Variants in SHPRH observed in about 807,000 individuals in gnomAD.
The protein encoded by SHPRH is E3 ubiquitin-protein ligase SHPRH.
In SHPRH, 106 loss-of-function variants were observed where a neutral mutation model predicts 202.5. The observed-to-expected ratio is 0.52, with a 90% CI of 0.45 to 0.62. The LOEUF (loss-of-function observed/expected upper bound fraction) is 0.62, where lower values mean the gene tolerates loss of function less well. SHPRH is among the 20% of genes least tolerant of loss of function. SHPRH has a pLI of 0.00. For synonymous variants in SHPRH, 729 were observed against 686.0 expected (o/e 1.06, Z -0.98); for missense variants, 1,710 against 2,020.0 (o/e 0.85, Z 2.94).
rs147096391 is a variant in SHPRH at position 145,917,847 on chromosome 6, A to G, written c.4254+284T>C. On this transcript the variant is annotated intron_variant, in intron 23 of 29. Coordinates refer to ENST00000275233, the MANE Select transcript of SHPRH (RefSeq NM_001042683.3). Reference sequence around the variant, plus strand: ...ATTGCATTATGCCAGTTTCACCGAGATATGTTTTAATACTTTTACTATTCA... The same window carrying G: ...ATTGCATTATGCCAGTTTCACCGAGGTATGTTTTAATACTTTTACTATTCA... The G allele has an allele frequency of 1.1e-3, 284 of 251,334 alleles. 1 individual carries two copies. The highest frequency in any genetic ancestry group is 5.6e-3 in the African/African-American group (252 of 45,118). The allele number at this position is 251,334 out of a possible 1,614,324, so 15.6% of individuals were successfully genotyped here.
At chr6:145,933,968 C>T (rs916202666) in intron 13 of SHPRH, among the ~76,000 whole-genome samples, 6 of 152,108 alleles carry the variant, frequency 3.9e-5, no homozygotes, top group Non-Finnish European at 4.4e-5. Flanking sequence ...AAAAGCCTTT[C>T]ATATCTGGAG....
At chr6:145,890,094 CCT>C (rs2128711877) in intron 28 of SHPRH, among the ~76,000 whole-genome samples, 1 of 152,212 alleles carries the variant, frequency 6.6e-6, no homozygotes, top group African/African-American at 2.4e-5. Flanking sequence ...AAAACAAAAA[CCT>C]CTCTTGATCT....
rs1473166024 is a variant in SHPRH at position 145,963,896 on chromosome 6, GGCCCCAGT to G, written c.-206_-199del. ...TTGGACGCTCGAGACAAACACCGCA[GGCCCCAGT>G]GCATGAGGAGAAGCACAGCCTCCTT... On this transcript the variant is annotated 5_prime_UTR_variant, in exon 1 of 30. An upstream open reading frame in the 5' UTR loses its in-frame stop. Transcript: ENST00000275233. 6.6e-6 allele frequency: 1 copy of G among 152,236 alleles called. No individual in the cohort carries two copies. Among genetic ancestry groups the G allele is most frequent in the Non-Finnish European group, 1.5e-5 (1 of 68,056 alleles). The allele number at this position is 152,236 out of a possible 1,614,324, so 9.4% of individuals were successfully genotyped here. A position where few individuals can be genotyped will look rare whatever the true frequency, so the allele number is the denominator to read the frequency against.
In SHPRH at chr6:145,952,442, G is replaced by GT; in HGVS notation, c.669dup (p.Leu224ThrfsTer6). ...GAATTTGCATCACTCAAGAAGTCTA[G>GT]TTTTGCTAGGCCAGCTTCCAAAAGA... On this transcript the variant is annotated frameshift_variant, in exon 3 of 30. Coordinates refer to ENST00000275233, the MANE Select transcript of SHPRH (RefSeq NM_001042683.3). LOFTEE classifies it high-confidence loss of function. The GT allele has an allele frequency of 6.2e-7, 1 of 1,608,860 alleles. No individual in the cohort carries two copies.
At chr6:145,923,951 C>A (rs1250551779) in intron 17 of SHPRH, among the ~76,000 whole-genome samples, 166 bp from the exon 18 acceptor site, 1 of 151,856 alleles carries the variant, frequency 6.6e-6, no homozygotes, top group South Asian at 2.1e-4. Context: ...GTACAATGCT[C>A]GCTTCCTCTT....
rs1045340594 is a variant in SHPRH at position 145,885,473 on chromosome 6, C to G, written c.*1218G>C. 1 of 152,212 alleles carries G rather than the reference C, an allele frequency of 6.6e-6. No homozygotes were observed. Among genetic ancestry groups the G allele is most frequent in the East Asian group, 1.9e-4 (1 of 5,174 alleles). The allele number at this position is 152,212 out of a possible 1,614,324, so 9.4% of individuals were successfully genotyped here. A position where few individuals can be genotyped will look rare whatever the true frequency, so the allele number is the denominator to read the frequency against. ...ATGGTTCTATGAGTTTTCCAGGCAG[C>G]TAACTGGGAGCTAATAAGTCCTGAG... On this transcript the variant is annotated 3_prime_UTR_variant, in exon 30 of 30. Coordinates refer to ENST00000275233, the MANE Select transcript of SHPRH (RefSeq NM_001042683.3).
chr6:145,913,679 C>A, intron 23 of SHPRH, 130 bp from the exon 24 acceptor site: 2 of 625,784 alleles, frequency 3.2e-6, no homozygotes, highest in East Asian at 3.0e-5. Context: ...ATTTAGATGA[C>A]CCATCGATCT....
chr6:145,879,243 T>G (rs1349517504), intron 2 of SHPRH, among the ~76,000 whole-genome samples: 10 of 152,146 alleles, frequency 6.6e-5, no homozygotes, highest in Non-Finnish European at 1.3e-4. Flanking sequence ...TGTACTGAAG[T>G]CATTAAATTC....
downstream of SHPRH, chr6:145,883,801 CATTT>C (rs1184417154): frequency 6.6e-6 from 1 of 151,792 alleles, no homozygotes; most frequent in Non-Finnish European, 1.5e-5. Flanking sequence ...GGTTTACACT[CATTT>C]TTTTTTTTAC....
rs759955910 is a variant in SHPRH at position 145,943,212 on chromosome 6, T to G, written c.2169A>C (p.Pro723=). ...CCACCCACTGGTGACAGATGGAACT[T>G]GGAGAGATGATCAGAGTTGCTCTTG... The part of the protein sequence containing the change: ...VSTRATLIIS[P]SSICHQWVDE... The change falls in exon 9 of 30, where the codon CCA becomes CCC. Residue 723 remains proline (P), a synonymous_variant. Transcript: ENST00000275233. 2 of 1,613,682 alleles carry G rather than the reference T, an allele frequency of 1.2e-6. No individual in the cohort carries two copies. The highest frequency in any genetic ancestry group is 1.7e-6 in the Non-Finnish European group (2 of 1,179,818).
rs1242583101 is a variant in SHPRH at position 145,955,309 on chromosome 6, C to T, written c.14G>A (p.Arg5Gln). The stretch of plus-strand genomic sequence containing the variant: ...TACCCTCACTGGAGGAGCACGTTTC[C>T]GTCGGCTGCTCATTTTCAAGTTTTC... MSSRRKRAPPVRVDE... is the reference protein window; with the variant it reads MSSRQKRAPPVRVDE... The change falls in exon 2 of 30, where the codon CGG (arginine) becomes CAG (glutamine). Residue 5 changes from arginine (R) to glutamine (Q), a missense_variant. Around this residue, in one of 8 missense-constraint regions of SHPRH, gnomAD observed 459 missense variants for 426.5 expected, o/e 1.08. Transcript: ENST00000275233. The T allele has an allele frequency of 5.6e-6, 9 of 1,594,076 alleles. No individual in the cohort carries two copies. The highest frequency in any genetic ancestry group is 4.5e-5 in the East Asian group (2 of 44,630).
chr6:145,875,854 G>A (rs1396075564), intron 2 of SHPRH, among the ~76,000 whole-genome samples: 1 of 152,170 alleles, frequency 6.6e-6, no homozygotes, highest in Non-Finnish European at 1.5e-5. Flanking sequence ...CAGGCCTGGA[G>A]TACAACATTC....
At chr6:145,962,866 G>C (rs759470468) in intron 1 of SHPRH, among the ~76,000 whole-genome samples, 1 of 152,182 alleles carries the variant, frequency 6.6e-6, no homozygotes, top group Non-Finnish European at 1.5e-5. Flanking sequence ...AGCAAGGTGA[G>C]AGTATTTTCT....
chr6:145,923,786 C>T lies in SHPRH; in HGVS notation c.3403-1G>A. 1 of 1,607,642 alleles carries T rather than the reference C, an allele frequency of 6.2e-7. No homozygotes were observed. The highest frequency in any genetic ancestry group is 8.5e-7 in the Non-Finnish European group (1 of 1,176,678). ...GCCACCAAGGAGAATTAGAATGAAT[C>T]TGTAAAAAAGGTAGCAGTTAATCAA... is the stretch of plus-strand genomic sequence containing the variant. On this transcript the variant is annotated splice_acceptor_variant, in intron 17 of 29. Coordinates refer to ENST00000275233, the MANE Select transcript of SHPRH (RefSeq NM_001042683.3). LOFTEE classifies it high-confidence loss of function.
At chr6:145,924,592 T>C in intron 17 of SHPRH, 147 bp downstream of exon 17, 1 of 582,956 alleles carries the variant, frequency 1.7e-6, no homozygotes, top group South Asian at 2.4e-5. Context: ...AACAGTAAAA[T>C]AAACTTGTAT....
intron 1 of SHPRH, among the ~76,000 whole-genome samples, chr6:145,955,995 C>T (rs1039723513): frequency 1.3e-5 from 2 of 151,818 alleles, no homozygotes; most frequent in African/African-American, 4.8e-5. Flanking sequence ...GATGGAAATG[C>T]AACATCTAAA....
chr6:145,937,739 C>T (rs1016075002), intron 11 of SHPRH, among the ~76,000 whole-genome samples: 7 of 152,320 alleles, frequency 4.6e-5, no homozygotes, highest in Middle Eastern at 3.4e-3. Flanking sequence ...ATTCTAGCCA[C>T]GCTATTTCTG....
At position 145,943,563 on chromosome 6, in the gene SHPRH, G is replaced by A. The variant is rs1199915098; in HGVS notation, c.1818C>T (p.Asp606=). 1 of 1,613,988 alleles carries A rather than the reference G, an allele frequency of 6.2e-7. No individual in the cohort carries two copies. Among genetic ancestry groups the A allele is most frequent in the Non-Finnish European group, 8.5e-7 (1 of 1,179,924 alleles). The part of the protein sequence containing the change: ...DSQGHCPATS[D]SGITDVAMSK... ...ACATAGCAACATCAGTTATTCCAGA[G>A]TCGCTAGTAGCTGGACAGTGACCTT... The change falls in exon 9 of 30, where the codon GAC becomes GAT. Residue 606 remains aspartate, a synonymous_variant. Transcript: ENST00000275233.
intron 23 of SHPRH, among the ~76,000 whole-genome samples, chr6:145,913,919 C>T (rs1000782014): frequency 6.6e-6 from 1 of 152,034 alleles, no homozygotes; most frequent in Non-Finnish European, 1.5e-5. Context: ...GGCATTTAAA[C>T]AAATTGAACC....
Sources: gnomAD v4.1 joint callset for allele counts (sites outside exome capture counted in the v4.1 genomes callset) on GRCh38, gnomAD v4.1.1 for gene constraint, gnomAD v4.1.1 regional missense constraint, MANE v1.5 for transcripts, NCBI Gene and HGNC (gene_info 2026-07-23, HGNC 2026-07-21) for gene names.